The following RELN variants were observed in gnomAD, a reference collection of about 807,000 sequenced individuals.
RELN encodes the protein reelin.
RELN carries 108 observed loss-of-function variants against 427.6 expected under a neutral mutation model. The ratio of observed to expected loss-of-function variants is 0.25; its 90% CI spans 0.22 to 0.30. The LOEUF (loss-of-function observed/expected upper bound fraction) is 0.30, where lower values mean the gene tolerates loss of function less well. RELN is among the 10% of genes least tolerant of loss of function. The pLI is 1.00. For missense variants in RELN, 3,715 were observed against 4,302.8 expected (o/e 0.86, Z 3.82); for synonymous variants, 1,524 against 1,513.4 (o/e 1.01, Z -0.16).
chr7:103,902,705 A>G (rs1036681043), intron 2 of RELN, among the ~76,000 whole-genome samples: 1 of 152,120 alleles, frequency 6.6e-6, no homozygotes, highest in African/African-American at 2.4e-5. Context: ...CTACATGTCT[A>G]TTATGCTAAA....
At chr7:103,709,673 T>C (rs1490302858) in intron 8 of RELN, among the ~76,000 whole-genome samples, 1 of 152,214 alleles carries the variant, frequency 6.6e-6, no homozygotes, top group East Asian at 1.9e-4. Context: ...AGTGCTCTTT[T>C]CCCTCTGCCC....
In RELN at chr7:103,828,911, TG is replaced by T. The variant is rs1391808855; in HGVS notation, c.473+4625del. Reference sequence around the variant, plus strand: ...TATTTAATTTTCGTTGTATGACTATTGTATTTTACCACGATAAAATAGACAA... The same window carrying T: ...TATTTAATTTTCGTTGTATGACTATTTATTTTACCACGATAAAATAGACAA... On this transcript the variant is annotated intron_variant, in intron 3 of 64. Coordinates refer to ENST00000428762, the MANE Select transcript of RELN (RefSeq NM_005045.4). Among the ~76,000 whole-genome samples the T allele has an allele frequency of 3.9e-5, 6 of 152,124 alleles. No homozygotes were observed. In the East Asian group the frequency reaches 9.7e-4, roughly 25 times the overall value.
At chr7:103,936,058 C>A (rs1394312107) in intron 1 of RELN, among the ~76,000 whole-genome samples, 1 of 151,550 alleles carries the variant, frequency 6.6e-6, no homozygotes, top group African/African-American at 2.4e-5. Context: ...TTTATCTGCT[C>A]TATTACCTCC....
At position 103,630,175 on chromosome 7, in the gene RELN, T is replaced by C; in HGVS notation, c.2467A>G (p.Ile823Val). 6.2e-7 allele frequency: 1 copy of C among 1,602,082 alleles called. No homozygotes were observed. Among genetic ancestry groups the C allele is most frequent in the Non-Finnish European group, 8.5e-7 (1 of 1,170,062 alleles). The change falls in exon 20 of 65, where the codon ATA becomes GTA. Residue 823 changes from isoleucine to valine, a missense_variant and splice_region_variant. Physicochemically the swap from Ile to Val is conservative, Grantham distance 29. Transcript: ENST00000428762. ...TCACCTGGTAGTTCTACGGAGATTA[T>C]TCTAGAGAAAAAAAAAAAGTCAAAA... ...YSYLSYHEPR[I>V]ISVELPGDAK...
intron 2 of RELN, among the ~76,000 whole-genome samples, chr7:103,875,110 G>T (rs1488133359): frequency 1.4e-5 from 2 of 145,760 alleles, no homozygotes; most frequent in Non-Finnish European, 3.0e-5. Flanking sequence ...AATGGGGAAA[G>T]GATTCCCTAT....
At chr7:103,636,507 G>GCCAA in intron 17 of RELN, 39 bp from the exon 18 acceptor site, 1 of 1,353,592 alleles carries the variant, frequency 7.4e-7, no homozygotes, top group Non-Finnish European at 1.0e-6. Flanking sequence ...TAAACTGTTG[G>GCCAA]CTGTTTCGGA....
chr7:103,768,418 T>C (rs913336117), intron 4 of RELN, among the ~76,000 whole-genome samples: 19 of 152,288 alleles, frequency 1.2e-4, no homozygotes, highest in South Asian at 8.3e-4. Context: ...GGGGACTCCT[T>C]ACAGTTTACA....
chr7:103,842,290 T>G (rs183926418), intron 2 of RELN, among the ~76,000 whole-genome samples: 2 of 150,728 alleles, frequency 1.3e-5, no homozygotes, highest in Non-Finnish European at 3.0e-5. Context: ...GTTCTGAAAA[T>G]GTAGTTTGGA....
Position 103,484,702 on chromosome 7 carries a change from A to G in RELN, c.9984-852T>C, listed in dbSNP as rs10242886. 9.4e-3 allele frequency among the ~76,000 whole-genome samples: 1,427 copies of G among 152,342 alleles called. 21 individuals carry two copies. Among genetic ancestry groups the G allele is most frequent in the African/African-American group, 0.033 (1,356 of 41,580 alleles). ...TTTTCATGATGTTGGAAATCTTGTT[A>G]GAGTATTTCATTTAGAACACCTTCT... On this transcript the variant is annotated intron_variant, in intron 61 of 64. Coordinates refer to ENST00000428762, the MANE Select transcript of RELN (RefSeq NM_005045.4).
At chr7:103,615,099 T>C (rs2117298917) in intron 20 of RELN, among the ~76,000 whole-genome samples, 1 of 152,226 alleles carries the variant, frequency 6.6e-6, no homozygotes, top group South Asian at 2.1e-4. Context: ...TGGGGAGAAA[T>C]TCTGGAGAGA....
chr7:103,940,511 G>A (rs998130748), intron 1 of RELN, among the ~76,000 whole-genome samples: 1 of 152,064 alleles, frequency 6.6e-6, no homozygotes, highest in African/African-American at 2.4e-5. Context: ...CTGTACTATG[G>A]CATCAACCTC....
At chr7:103,493,219 G>A (rs1426976460) in intron 57 of RELN, among the ~76,000 whole-genome samples, 2 of 151,048 alleles carry the variant, frequency 1.3e-5, no homozygotes, top group East Asian at 3.9e-4. Flanking sequence ...GAAAGGAGGT[G>A]GTGATAGTGC....
intron 2 of RELN, among the ~76,000 whole-genome samples, chr7:103,849,690 T>A (rs992062950): frequency 5.3e-5 from 8 of 152,192 alleles, no homozygotes; most frequent in African/African-American, 1.9e-4. Flanking sequence ...GTCAGTGAAC[T>A]ATGGACCACA....
chr7:103,964,480 T>C (rs1286960697), intron 1 of RELN, among the ~76,000 whole-genome samples: 2 of 152,184 alleles, frequency 1.3e-5, no homozygotes, highest in Admixed American at 1.3e-4. Flanking sequence ...TGATGTCACC[T>C]AGAGCAATAA....
chr7:103,643,890 T>C (rs1188498929), intron 16 of RELN, among the ~76,000 whole-genome samples: 2 of 151,988 alleles, frequency 1.3e-5, no homozygotes, highest in Non-Finnish European at 2.9e-5. Flanking sequence ...TACAGGCATG[T>C]GCCATGCCTG....
intron 2 of RELN, among the ~76,000 whole-genome samples, chr7:103,854,566 G>A (rs1241870173): frequency 6.6e-6 from 1 of 152,158 alleles, no homozygotes; most frequent in African/African-American, 2.4e-5. Context: ...AAGGGATTAA[G>A]AGACTTAGTA....
intron 1 of RELN, among the ~76,000 whole-genome samples, chr7:103,966,145 A>G (rs771414068): frequency 7.9e-5 from 12 of 152,242 alleles, no homozygotes; most frequent in Non-Finnish European, 1.6e-4. Flanking sequence ...CAAAATGCTT[A>G]TAATATTAAA....
intron 12 of RELN, among the ~76,000 whole-genome samples, chr7:103,658,917 C>T (rs1437204833): frequency 1.3e-5 from 2 of 151,846 alleles, no homozygotes; most frequent in Non-Finnish European, 2.9e-5. Context: ...CTTCCACCCA[C>T]CTCTGTTTAT....
rs1584424562 is a variant in RELN at position 103,988,032 on chromosome 7, T to C, written c.226+1099A>G. On this transcript the variant is annotated intron_variant, in intron 1 of 64. Transcript: ENST00000428762. This position sits in a 1 kb window ranked among gnomAD's most constrained non-coding sequence, Gnocchi z 4.9. ...TTAAGTGCTAGCACCCCGTAGATTA[T>C]CTCCCGCCATGCCAATGATTGTTAG... is the stretch of plus-strand genomic sequence containing the variant. 1.3e-5 allele frequency among the ~76,000 whole-genome samples: 2 copies of C among 152,300 alleles called. No homozygotes were observed. Among genetic ancestry groups the C allele is most frequent in the Middle Eastern group, 3.4e-3 (1 of 294 alleles).
Sources: allele counts gnomAD v4.1 joint callset (sites outside exome capture counted in the v4.1 genomes callset), GRCh38; gene constraint gnomAD v4.1.1; non-coding constraint Gnocchi (gnomAD v3.1); transcripts MANE v1.5; gene names NCBI Gene and HGNC (gene_info 2026-07-23, HGNC 2026-07-21).